Variants in GOLGA5 observed in about 807,000 individuals in gnomAD.
GOLGA5 encodes the protein golgin subfamily A member 5.
Under a neutral mutation model 93.5 loss-of-function variants are expected in GOLGA5, and 50 were observed. The observed-to-expected ratio is 0.53, with a 90% CI of 0.43 to 0.68. GOLGA5 has a LOEUF of 0.68. Among genes scored for constraint, GOLGA5 ranks in the 30% least tolerant of loss-of-function variants. The pLI, the probability that GOLGA5 is intolerant of heterozygous loss-of-function variation, is 0.00. For synonymous variants in GOLGA5, 312 were observed against 304.5 expected (o/e 1.02, Z -0.26); for missense variants, 760 against 856.4 (o/e 0.89, Z 1.40).
Position 92,797,942 on chromosome 14 carries a change from A to C in GOLGA5, c.505A>C (p.Lys169Gln), listed in dbSNP as rs775810727. 1 of 1,594,448 alleles carries C rather than the reference A, an allele frequency of 6.3e-7. No homozygotes were observed. The highest frequency in any genetic ancestry group is 2.2e-5 in the East Asian group (1 of 44,792). The change falls in exon 2 of 13, where the codon AAA becomes CAA. Residue 169 changes from lysine to glutamine, a missense_variant. By Grantham distance (53) the Lys-to-Gln change is moderately conservative. Transcript: ENST00000163416. ...SSVNPSVTTI[K>Q]TIEENSFGSQ... ...TGTGAACCCCAGTGTAACCACCATC[A>C]AAACCATTGAAGAAAATTCTTTTGG... is the stretch of plus-strand genomic sequence containing the variant.
At chr14:92,828,233 C>T (rs905713024) in intron 9 of GOLGA5, among the ~76,000 whole-genome samples, 31 of 152,168 alleles carry the variant, frequency 2.0e-4, no homozygotes, top group African/African-American at 3.6e-4. Flanking sequence ...CTTCAAAGGA[C>T]GGGCTGACTC....
At chr14:92,801,054 T>G (rs1884859657) in intron 2 of GOLGA5, among the ~76,000 whole-genome samples, 1 of 152,182 alleles carries the variant, frequency 6.6e-6, no homozygotes, top group South Asian at 2.1e-4. Context: ...GCCCATTAGG[T>G]GGTAGTAGCA....
In GOLGA5 at chr14:92,805,170, C is replaced by T. The variant is rs183476073; in HGVS notation, c.545-1566C>T. 2.2e-3 allele frequency among the ~76,000 whole-genome samples: 338 copies of T among 152,184 alleles called. 5 individuals carry two copies. The highest frequency in any genetic ancestry group is 0.019 in the Admixed American group (297 of 15,292). On this transcript the variant is annotated intron_variant, in intron 2 of 12. Transcript: ENST00000163416. ...CTCATGTTCCTTTCCACTTAATCTC[C>T]TCACCCCGTCCCTGAAAGCACCCAG...
Position 92,797,925 on chromosome 14 carries a change from C to G in GOLGA5, c.488C>G (p.Pro163Arg). The G allele has an allele frequency of 6.2e-7, 1 of 1,603,158 alleles. No homozygotes were observed. The highest frequency in any genetic ancestry group is 8.5e-7 in the Non-Finnish European group (1 of 1,177,200). Residue 163 changes from proline (P) to arginine (R), a missense_variant, in exon 2 of 13, where the codon CCC becomes CGC. By Grantham distance (103) the Pro-to-Arg change is moderately radical. Coordinates refer to ENST00000163416, the MANE Select transcript of GOLGA5 (RefSeq NM_005113.4). ...SQTSSVSSVN[P>R]SVTTIKTIEE... is the part of the protein sequence containing the mutation. The stretch of plus-strand genomic sequence containing the variant: ...ACATCAAGTGTCAGTTCTGTGAACC[C>G]CAGTGTAACCACCATCAAAACCATT...
chr14:92,820,819 A>G (rs1169049677), intron 8 of GOLGA5, among the ~76,000 whole-genome samples: 1 of 152,200 alleles, frequency 6.6e-6, no homozygotes, highest in Non-Finnish European at 1.5e-5. Context: ...GATTCCATAC[A>G]ACACATGTTT....
intron 9 of GOLGA5, among the ~76,000 whole-genome samples, chr14:92,829,367 C>T (rs1200967457): frequency 6.6e-6 from 1 of 151,970 alleles, no homozygotes; most frequent in African/African-American, 2.4e-5. Flanking sequence ...AAAAGATTCA[C>T]TATACTAGAT....
chr14:92,825,887 GC>G (rs1293999778), intron 9 of GOLGA5, among the ~76,000 whole-genome samples: 2 of 151,314 alleles, frequency 1.3e-5, no homozygotes, highest in African/African-American at 4.9e-5. Context: ...CCATAGGGTG[GC>G]TTATGCCTAT....
Position 92,797,686 on chromosome 14 carries a change from T to C in GOLGA5, c.249T>C (p.Asn83=). 1 of 1,614,146 alleles carries C rather than the reference T, an allele frequency of 6.2e-7. No individual in the cohort carries two copies. The highest frequency in any genetic ancestry group is 8.5e-7 in the Non-Finnish European group (1 of 1,180,000). Residue 83 remains asparagine, a synonymous_variant, in exon 2 of 13, where the codon AAT becomes AAC. Coordinates refer to ENST00000163416, the MANE Select transcript of GOLGA5 (RefSeq NM_005113.4). ...CCACCATCTTAGCTGGCACTGCAAATGTGAAAGTAGGATCTCGGACACCAG... is the reference window on the plus strand; with the variant it reads ...CCACCATCTTAGCTGGCACTGCAAACGTGAAAGTAGGATCTCGGACACCAG... ...QKATILAGTA[N]VKVGSRTPVE...
chr14:92,834,545 G>A (rs1004593752), intron 10 of GOLGA5, among the ~76,000 whole-genome samples: 1 of 152,226 alleles, frequency 6.6e-6, no homozygotes, highest in African/African-American at 2.4e-5. Flanking sequence ...AGAAAGAAGA[G>A]CAGGCACAAA....
intron 9 of GOLGA5, among the ~76,000 whole-genome samples, chr14:92,826,168 T>G (rs142312502): frequency 3.2e-3 from 484 of 152,142 alleles, no homozygotes; most frequent in Middle Eastern, 0.014. Context: ...AAAGAAAGAA[T>G]TAACCATAGG....
At chr14:92,825,476 CA>C (rs2140330335) in intron 9 of GOLGA5, among the ~76,000 whole-genome samples, 1 of 152,246 alleles carries the variant, frequency 6.6e-6, no homozygotes, top group South Asian at 2.1e-4. Flanking sequence ...AAAGAAGGAG[CA>C]AAAACCACCA....
intron 9 of GOLGA5, among the ~76,000 whole-genome samples, chr14:92,829,008 A>G (rs1180217233): frequency 6.6e-6 from 1 of 152,186 alleles, no homozygotes. Context: ...TCTGTCACCC[A>G]GGCTGGAGTG....
intron 7 of GOLGA5, among the ~76,000 whole-genome samples, chr14:92,819,496 C>T (rs1431723903): frequency 6.6e-6 from 1 of 151,730 alleles, no homozygotes; most frequent in Non-Finnish European, 1.5e-5. Context: ...AGCCAGGCCT[C>T]GTGGCATGTG....
rs1191305000 is a variant in GOLGA5 at position 92,799,272 on chromosome 14, A to ATTTTTTTTTTTTTT, written c.544+1293_544+1306dup. Among the ~76,000 whole-genome samples the ATTTTTTTTTTTTTT allele has an allele frequency of 5.3e-4, 66 of 124,188 alleles. 2 individuals are homozygous for ATTTTTTTTTTTTTT. The highest frequency in any genetic ancestry group is 1.9e-3 in the African/African-American group (57 of 29,346). The allele number at this position is 124,188 out of a possible 152,430, so 81.5% of individuals were successfully genotyped here. ...GATCTACCGTGGCCTGGCCATAGGG[A>ATTTTTTTTTTTTTT]TTTTTTTTTTTTTTTCTTTTTTGAG... is the stretch of plus-strand genomic sequence containing the variant. On this transcript the variant is annotated intron_variant, in intron 2 of 12. Transcript: ENST00000163416.
At chr14:92,801,353 C>G (rs928775430) in intron 2 of GOLGA5, among the ~76,000 whole-genome samples, 1 of 152,172 alleles carries the variant, frequency 6.6e-6, no homozygotes, top group African/African-American at 2.4e-5. Flanking sequence ...TTTTGCTGAT[C>G]AGATTTGTCG....
intron 1 of GOLGA5, among the ~76,000 whole-genome samples, chr14:92,795,352 G>C (rs940121170): frequency 4.6e-5 from 7 of 152,196 alleles, no homozygotes; most frequent in African/African-American, 1.7e-4. Flanking sequence ...CAGATTTAAA[G>C]GATGAGTTTC....
intron 3 of GOLGA5, among the ~76,000 whole-genome samples, chr14:92,807,940 TGAA>T (rs761126780): frequency 4.9e-4 from 74 of 152,116 alleles, no homozygotes; most frequent in Non-Finnish European, 1.0e-3. Context: ...GGAAGATAGT[TGAA>T]GACTCACTAA....
At chr14:92,816,133 C>T (rs1885199220) in intron 6 of GOLGA5, 118 bp from the exon 7 acceptor site, 2 of 664,582 alleles carry the variant, frequency 3.0e-6, no homozygotes, top group Non-Finnish European at 5.2e-6. Flanking sequence ...AATCTGTGGA[C>T]TTTCTTTGAT....
At chr14:92,811,884 C>T (rs1252125060) in intron 6 of GOLGA5, 130 bp downstream of exon 6, 13 of 675,876 alleles carry the variant, frequency 1.9e-5, no homozygotes, top group Non-Finnish European at 3.4e-5. Context: ...AGGTGCCTTA[C>T]TCTACTTTAG....
Sources: allele counts gnomAD v4.1 joint callset (sites outside exome capture counted in the v4.1 genomes callset), GRCh38; gene constraint gnomAD v4.1.1; transcripts MANE v1.5; gene names NCBI Gene and HGNC (gene_info 2026-07-23, HGNC 2026-07-21).